The following CCDC141 variants were observed in gnomAD, a reference collection of about 807,000 sequenced individuals.
CCDC141 encodes the protein coiled-coil domain containing 141, also known as coiled-coil domain-containing protein 141.
In CCDC141, 168 loss-of-function variants were observed where a neutral mutation model predicts 181.0. The ratio of observed to expected loss-of-function variants is 0.93; its 90% confidence interval spans 0.82 to 1.05. The LOEUF is 1.05. Ranked by LOEUF, CCDC141 falls within the 50% of genes least tolerant of loss-of-function variation. The pLI is 0.00. For synonymous variants in CCDC141, 666 were observed against 642.3 expected (o/e 1.04, Z -0.56); for missense variants, 1,902 against 1,788.5 (o/e 1.06, Z -1.14).
chr2:178,865,799 C>G lies in CCDC141; in HGVS notation c.2692G>C (p.Glu898Gln), dbSNP rs768972227. 9 of 1,595,126 alleles carry G rather than the reference C, an allele frequency of 5.6e-6. No homozygotes were observed. In the South Asian group the frequency reaches 8.0e-5, roughly 14 times the overall value. ...ATCTCGTCTCTCATGGCGCAGTACTCCACACTACGGGACAGGGTCCGTCCA... is the reference window on the plus strand; with the variant it reads ...ATCTCGTCTCTCATGGCGCAGTACTGCACACTACGGGACAGGGTCCGTCCA... ...EYGRTLSRSV[E>Q]YCAMRDEINE... Residue 898 changes from glutamate to glutamine, a missense_variant, in exon 17 of 24, where the codon GAG (glutamate) becomes CAG (glutamine). Glu to Gln is a conservative substitution (Grantham distance 29). Coordinates refer to ENST00000443758, the MANE Select transcript of CCDC141 (RefSeq NM_173648.4).
chr2:178,996,209 C>T (rs1458999742), intron 2 of CCDC141, among the ~76,000 whole-genome samples: 1 of 151,640 alleles, frequency 6.6e-6, no homozygotes, highest in Non-Finnish European at 1.5e-5. Flanking sequence ...TTTGGAGTAG[C>T]TGGGATTACA....
chr2:178,965,556 G>A (rs754420478), intron 4 of CCDC141, among the ~76,000 whole-genome samples: 17 of 152,164 alleles, frequency 1.1e-4, no homozygotes, highest in Non-Finnish European at 1.9e-4. Context: ...AAGGGAAGCC[G>A]TGAGGGACAG....
the CCDC141 span, among the ~76,000 whole-genome samples, chr2:178,821,934 G>T: frequency 1.3e-5 from 2 of 152,178 alleles, no homozygotes; most frequent in Non-Finnish European, 2.9e-5. Flanking sequence ...TATAAATCAT[G>T]CTGCTATAAA....
chr2:178,990,167 G>C (rs1216402655), intron 2 of CCDC141, among the ~76,000 whole-genome samples: 1 of 146,376 alleles, frequency 6.8e-6, no homozygotes, highest in African/African-American at 2.5e-5. Context: ...AGAAAGAAAA[G>C]AGAAAAATAA....
intron 2 of CCDC141, among the ~76,000 whole-genome samples, chr2:179,026,470 G>A: frequency 6.6e-6 from 1 of 152,198 alleles, no homozygotes; most frequent in Admixed American, 6.5e-5. Flanking sequence ...GGGAACCTCT[G>A]CCTAGATTTC....
chr2:178,869,087 G>T (rs375716612), intron 15 of CCDC141, 30 bp downstream of exon 15: 15 of 1,448,054 alleles, frequency 1.0e-5, no homozygotes, highest in Non-Finnish European at 1.4e-5. Flanking sequence ...TAAAACTCAG[G>T]ATTTTTCAGA....
chr2:178,880,763 A>C (rs1442500418), intron 11 of CCDC141, among the ~76,000 whole-genome samples: 2 of 152,222 alleles, frequency 1.3e-5, no homozygotes, highest in Admixed American at 6.5e-5. Context: ...AATGAAAAGC[A>C]CAGTACCTAG....
chr2:178,979,442 A>G (rs1318945034), intron 2 of CCDC141, among the ~76,000 whole-genome samples: 1 of 152,176 alleles, frequency 6.6e-6, no homozygotes, highest in Non-Finnish European at 1.5e-5. Flanking sequence ...GAGCAGGTTC[A>G]TAAGGACACA....
chr2:179,045,100 C>T (rs1270211439), intron 2 of CCDC141, among the ~76,000 whole-genome samples: 14 of 150,140 alleles, frequency 9.3e-5, no homozygotes, highest in South Asian at 4.2e-4. Context: ...CATGCTGGTG[C>T]ACTGCACCCA....
At chr2:178,918,216 C>G (rs1230810082) in intron 7 of CCDC141, among the ~76,000 whole-genome samples, 1 of 151,864 alleles carries the variant, frequency 6.6e-6, no homozygotes, top group Non-Finnish European at 1.5e-5. Flanking sequence ...TTGAGGCCAG[C>G]CTGCACAACA....
chr2:178,836,770 A>G, intron 23 of CCDC141, 124 bp downstream of exon 23: 1 of 1,012,940 alleles, frequency 9.9e-7, no homozygotes, highest in Non-Finnish European at 1.4e-6. Flanking sequence ...TGAATCATGC[A>G]GAGTTGCAGT....
At chr2:178,842,620 T>C (rs563846282) in intron 22 of CCDC141, among the ~76,000 whole-genome samples, 1 of 152,354 alleles carries the variant, frequency 6.6e-6, no homozygotes, top group South Asian at 2.1e-4. Flanking sequence ...GAACTACATA[T>C]GTGGTAAATT....
chr2:179,025,652 T>C (rs911500920), intron 2 of CCDC141, among the ~76,000 whole-genome samples: 2 of 151,988 alleles, frequency 1.3e-5, no homozygotes, highest in African/African-American at 4.8e-5. Flanking sequence ...ACCAGTAGAG[T>C]GGGACATTGC....
chr2:178,866,932 G>A (rs1490943963), intron 16 of CCDC141, among the ~76,000 whole-genome samples: 1 of 152,168 alleles, frequency 6.6e-6, no homozygotes, highest in Non-Finnish European at 1.5e-5. Flanking sequence ...TGCCATGTTG[G>A]CCAGGCTGGA....
rs956423705 is a variant in CCDC141, at chr2:178,830,273, T to C, written c.*3900A>G. On this transcript the variant is annotated 3_prime_UTR_variant, in exon 24 of 24. Coordinates refer to ENST00000443758, the MANE Select transcript of CCDC141 (RefSeq NM_173648.4). ...GACCTTTCCTCTTTCCTCCTTACTA[T>C]TATTTTAGTCCGTGGAGCCAGCATC... 5.3e-5 allele frequency: 8 copies of C among 152,224 alleles called. No individual in the cohort carries two copies. Among genetic ancestry groups the C allele is most frequent in the Admixed American group, 2.6e-4 (4 of 15,278 alleles). 9.4% of individuals were successfully genotyped at this position (152,224 alleles called of 1,614,324 possible).
the CCDC141 span, among the ~76,000 whole-genome samples, chr2:178,816,583 C>A: frequency 3.3e-5 from 5 of 152,172 alleles, no homozygotes; most frequent in African/African-American, 4.8e-5. Flanking sequence ...GATTGTATGA[C>A]AAGAGTATGT....
At position 178,830,122 on chromosome 2, in the gene CCDC141, G is replaced by C. The variant is rs1376070434; in HGVS notation, c.*4051C>G. ...TTCTGGTTTTGACAGTTTGGATTTA[G>C]TCATAGAGAGTGGAGGCATCCAGTT... On this transcript the variant is annotated 3_prime_UTR_variant, in exon 24 of 24. Coordinates refer to ENST00000443758, the MANE Select transcript of CCDC141 (RefSeq NM_173648.4). The C allele has an allele frequency of 2.0e-5, 3 of 152,092 alleles. No individual in the cohort carries two copies. The highest frequency in any genetic ancestry group is 4.8e-5 in the African/African-American group (2 of 41,346). The allele number at this position is 152,092 out of a possible 1,614,324, so 9.4% of individuals were successfully genotyped here. A position where few individuals can be genotyped will look rare whatever the true frequency, so the allele number is the denominator to read the frequency against.
At chr2:179,045,696 T>C (rs956042443) in intron 2 of CCDC141, among the ~76,000 whole-genome samples, 2 of 152,038 alleles carry the variant, frequency 1.3e-5, no homozygotes, top group South Asian at 2.1e-4. Context: ...TTTTTAATGA[T>C]TGCCATTCTA....
chr2:179,006,774 T>C (rs1048695265), intron 2 of CCDC141, among the ~76,000 whole-genome samples: 1 of 152,230 alleles, frequency 6.6e-6, no homozygotes, highest in African/African-American at 2.4e-5. Context: ...CACTTGGTAA[T>C]GTAAAATTTG....
Sources: gnomAD v4.1 joint callset for allele counts (sites outside exome capture counted in the v4.1 genomes callset) on GRCh38, gnomAD v4.1.1 for gene constraint, MANE v1.5 for transcripts, NCBI Gene and HGNC (gene_info 2026-07-23, HGNC 2026-07-21) for gene names.